The following FANK1 variants were observed in gnomAD, a reference collection of about 807,000 sequenced individuals.
The protein encoded by FANK1 is fibronectin type III and ankyrin repeat domains 1, also known as fibronectin type 3 and ankyrin repeat domains protein 1.
Under a neutral mutation model 45.3 loss-of-function variants are expected in FANK1, and 44 were observed. The observed-to-expected ratio is 0.97, with a 90% CI of 0.76 to 1.25. The LOEUF (loss-of-function observed/expected upper bound fraction) is 1.25, where lower values mean the gene tolerates loss of function less well. Among genes scored for constraint, FANK1 ranks in the 50% most tolerant of loss-of-function variants. The probability of loss-of-function intolerance (pLI) is 0.00; values close to 1 mark genes in which losing one functional copy is unlikely to be tolerated. For synonymous variants in FANK1, 149 were observed against 152.5 expected (o/e 0.98, Z 0.17); for missense variants, 391 against 424.4 (o/e 0.92, Z 0.69).
At chr10:125,970,757 C>CGCGGCAGTACAGTCCAGCCTCG (rs1343368806) in intron 1 of FANK1, among the ~76,000 whole-genome samples, 2 of 152,130 alleles carry the variant, frequency 1.3e-5, no homozygotes, top group African/African-American at 4.8e-5. Flanking sequence ...GAGCCGAGAT[C>CGCGGCAGTACAGTCCAGCCTCG]GCGGCAGTAC....
At chr10:125,910,009 T>G (rs372359744) in intron 1 of FANK1, among the ~76,000 whole-genome samples, 1 of 152,076 alleles carries the variant, frequency 6.6e-6, no homozygotes, top group Non-Finnish European at 1.5e-5. Context: ...ATTATCACAA[T>G]GTAAATGAAT....
intron 1 of FANK1, among the ~76,000 whole-genome samples, chr10:125,925,552 A>G (rs1947289494): frequency 6.6e-6 from 1 of 152,010 alleles, no homozygotes; most frequent in African/African-American, 2.4e-5. Context: ...GTGTGCCACC[A>G]CCGCCAAATA....
chr10:125,959,564 T>A (rs538010726), intron 1 of FANK1, among the ~76,000 whole-genome samples: 97 of 152,306 alleles, frequency 6.4e-4, no homozygotes, highest in African/African-American at 2.3e-3. Context: ...AAATTAATCT[T>A]TCTGGATGAG....
At chr10:125,896,927 G>GC (rs1944580188) in intron 1 of FANK1, among the ~76,000 whole-genome samples, 1 of 152,126 alleles carries the variant, frequency 6.6e-6, no homozygotes, top group Non-Finnish European at 1.5e-5. Flanking sequence ...GGGGAAGGGC[G>GC]CAGCGACCCC....
At chr10:125,930,747 G>T (rs1947699356) in intron 1 of FANK1, among the ~76,000 whole-genome samples, 1 of 151,932 alleles carries the variant, frequency 6.6e-6, no homozygotes, top group Non-Finnish European at 1.5e-5. Flanking sequence ...AAGTTATTAG[G>T]GGACAGGTGG....
chr10:125,991,049 A>G (rs1254352996), intron 3 of FANK1, among the ~76,000 whole-genome samples: 1 of 152,220 alleles, frequency 6.6e-6, no homozygotes, highest in Non-Finnish European at 1.5e-5. Context: ...GGGAGCTACA[A>G]TTCAAGATGA....
intron 1 of FANK1, among the ~76,000 whole-genome samples, chr10:125,925,147 CTAAT>C (rs886410822): frequency 2.0e-5 from 3 of 151,992 alleles, no homozygotes; most frequent in African/African-American, 7.3e-5. Flanking sequence ...TTCATCCTCC[CTAAT>C]TATTTTTATA....
At chr10:125,971,825 T>C (rs989277209) in intron 1 of FANK1, among the ~76,000 whole-genome samples, 1 of 152,132 alleles carries the variant, frequency 6.6e-6, no homozygotes, top group African/African-American at 2.4e-5. Flanking sequence ...GGTTTCACCA[T>C]GTTAGCCAGG....
intron 1 of FANK1, among the ~76,000 whole-genome samples, chr10:125,903,829 T>C (rs866806232): frequency 6.6e-6 from 1 of 151,956 alleles, no homozygotes; most frequent in Non-Finnish European, 1.5e-5. Context: ...TATATAAATA[T>C]ATATTTTGTT....
chr10:125,939,215 G>C (rs1316401564), intron 1 of FANK1, among the ~76,000 whole-genome samples: 1 of 152,196 alleles, frequency 6.6e-6, no homozygotes, highest in Non-Finnish European at 1.5e-5. Flanking sequence ...AAAGGAGACA[G>C]ACACACCAGC....
chr10:125,993,494 C>T (rs776991360), intron 3 of FANK1, among the ~76,000 whole-genome samples: 15 of 152,182 alleles, frequency 9.9e-5, no homozygotes, highest in Admixed American at 1.3e-4. Flanking sequence ...CTTGTGGTGT[C>T]CTGTGCACTT....
intron 1 of FANK1, among the ~76,000 whole-genome samples, chr10:125,956,763 G>A (rs938604213): frequency 1.1e-4 from 16 of 152,142 alleles, no homozygotes; most frequent in African/African-American, 3.6e-4. Context: ...GAGAATATCC[G>A]ACAAGCCAGA....
intron 1 of FANK1, chr10:125,972,357 T>C (rs1281245980): frequency 1.3e-5 from 2 of 152,180 alleles, no homozygotes; most frequent in South Asian, 2.1e-4. Context: ...AATATACATA[T>C]TTAGGATCCT....
chr10:125,967,511 T>C (rs1435048526), intron 1 of FANK1, among the ~76,000 whole-genome samples: 1 of 152,174 alleles, frequency 6.6e-6, no homozygotes, highest in Non-Finnish European at 1.5e-5. Context: ...TAAAATAGAG[T>C]TGGCCCTAAT....
At chr10:125,918,585 A>AAATAT (rs1554913277) in intron 1 of FANK1, among the ~76,000 whole-genome samples, 10 of 70,970 alleles carry the variant, frequency 1.4e-4, no homozygotes, top group East Asian at 1.4e-3. Context: ...AAAAAAAAAA[A>AAATAT]ATATATATAT....
At chr10:125,917,633 T>C (rs969653026) in intron 1 of FANK1, among the ~76,000 whole-genome samples, 3 of 141,038 alleles carry the variant, frequency 2.1e-5, no homozygotes, top group African/African-American at 5.2e-5. Context: ...ATAAAACTTA[T>C]ATTAAGTAAA....
chr10:126,003,007 G>T (rs1007365180), intron 6 of FANK1, among the ~76,000 whole-genome samples: 1 of 152,144 alleles, frequency 6.6e-6, no homozygotes, highest in Admixed American at 6.5e-5. Flanking sequence ...TTGGGAGGTG[G>T]TGTGGGGTTT....
intron 1 of FANK1, among the ~76,000 whole-genome samples, chr10:125,908,684 A>G (rs947137282): frequency 1.7e-4 from 26 of 152,156 alleles, no homozygotes; most frequent in Non-Finnish European, 3.7e-4. Flanking sequence ...CTAAAATCTC[A>G]GAAATCACCA....
chr10:125,976,725 C>T (rs564741853), intron 1 of FANK1, among the ~76,000 whole-genome samples: 10 of 152,148 alleles, frequency 6.6e-5, no homozygotes, highest in African/African-American at 1.4e-4. Context: ...CAGGTTCAAG[C>T]GATTCTCCTA....
Sources: allele counts gnomAD v4.1 joint callset (sites outside exome capture counted in the v4.1 genomes callset), GRCh38; gene constraint gnomAD v4.1.1; transcripts MANE v1.5; gene names NCBI Gene and HGNC (gene_info 2026-07-23, HGNC 2026-07-21).